Variants in ENTPD1 observed in about 807,000 individuals in gnomAD.
The protein encoded by ENTPD1 is ATP diphosphohydrolase.
ENTPD1 carries 33 observed loss-of-function variants against 57.0 expected under a neutral mutation model. That is an observed-to-expected ratio of 0.58 (90% CI 0.44 to 0.77). The LOEUF is 0.77. ENTPD1 is among the 30% of genes least tolerant of loss of function. ENTPD1 has a pLI of 0.00. For synonymous variants in ENTPD1, 202 were observed against 218.8 expected (o/e 0.92, Z 0.68); for missense variants, 501 against 603.4 (o/e 0.83, Z 1.78).
intron 1 of ENTPD1, among the ~76,000 whole-genome samples, chr10:95,780,537 C>T (rs1370064490): frequency 6.6e-6 from 1 of 152,206 alleles, no homozygotes; most frequent in Non-Finnish European, 1.5e-5. Context: ...GTCTATGTGT[C>T]TGCTTTTTGT....
rs1329310786 is a variant in ENTPD1 at position 95,867,661 on chromosome 10, AGAGACC to A, written c.*1279_*1284del. The A allele has an allele frequency of 2.0e-6, 2 of 985,354 alleles. No homozygotes were observed. Among genetic ancestry groups the A allele is most frequent in the Non-Finnish European group, 2.4e-6 (2 of 829,964 alleles). The allele number at this position is 985,354 out of a possible 1,614,324, so 61.0% of individuals were successfully genotyped here. A position where few individuals can be genotyped will look rare whatever the true frequency, so the allele number is the denominator to read the frequency against. On this transcript the variant is annotated 3_prime_UTR_variant, in exon 10 of 10. Transcript: ENST00000371205. The stretch of plus-strand genomic sequence containing the variant: ...TATAGACCTTACCATGGAAACATGA[AGAGACC>A]CTGCACCCCTTTCCTTAAGGATTGC...
At chr10:95,810,779 G>T (rs923689370) in intron 1 of ENTPD1, among the ~76,000 whole-genome samples, 1 of 152,118 alleles carries the variant, frequency 6.6e-6, no homozygotes, top group African/African-American at 2.4e-5. Context: ...TACTAGTTTT[G>T]CTCTCAGAGG....
In ENTPD1 at chr10:95,867,218, T is replaced by C. The variant is rs1333217757; in HGVS notation, c.*835T>C. ...TGCATATTTTTATTATGGTAAAATA[T>C]ACATAAATATAATTCACCATTTTAA... On this transcript the variant is annotated 3_prime_UTR_variant, in exon 10 of 10. Transcript: ENST00000371205. The C allele has an allele frequency of 1.5e-5, 15 of 980,154 alleles. No individual in the cohort carries two copies. Among genetic ancestry groups the C allele is most frequent in the African/African-American group, 1.8e-5 (1 of 57,142 alleles). The allele number at this position is 980,154 out of a possible 1,614,324, so 60.7% of individuals were successfully genotyped here.
chr10:95,865,011 G>T, intron 9 of ENTPD1, 150 bp downstream of exon 9: 1 of 980,616 alleles, frequency 1.0e-6, no homozygotes, highest in Non-Finnish European at 1.5e-6. Context: ...CTGGCATTCT[G>T]TGTCAAGCCC....
At chr10:95,839,418 C>T in intron 2 of ENTPD1, 1 of 455,102 alleles carries the variant, frequency 2.2e-6, no homozygotes. Flanking sequence ...ATTAGAATCA[C>T]CTAAGAAGCT....
upstream of ENTPD1, among the ~76,000 whole-genome samples, chr10:95,707,671 C>G (rs944242713): frequency 6.6e-6 from 1 of 152,180 alleles, no homozygotes; most frequent in Non-Finnish European, 1.5e-5. Context: ...GTGGTGCAAT[C>G]TTGGCTCACT....
intron 2 of ENTPD1, among the ~76,000 whole-genome samples, chr10:95,828,698 A>G (rs2098386394): frequency 6.7e-6 from 1 of 148,380 alleles, no homozygotes; most frequent in Non-Finnish European, 1.5e-5. Flanking sequence ...GAAGAATAGA[A>G]GGTTATCCCC....
At chr10:95,837,850 G>A (rs1315838894) in intron 2 of ENTPD1, among the ~76,000 whole-genome samples, 1 of 151,948 alleles carries the variant, frequency 6.6e-6, no homozygotes, top group African/African-American at 2.4e-5. Flanking sequence ...CTTCACTGGG[G>A]CCCCTACATT....
chr10:95,751,709 C>T (rs1253259240), upstream of ENTPD1, among the ~76,000 whole-genome samples: 2 of 115,344 alleles, frequency 1.7e-5, no homozygotes, highest in Admixed American at 1.0e-4. Flanking sequence ...AGTGAGACAT[C>T]GTCTCAAAAA....
chr10:95,835,956 G>A (rs1172958826), intron 2 of ENTPD1, among the ~76,000 whole-genome samples: 1 of 152,106 alleles, frequency 6.6e-6, no homozygotes, highest in Admixed American at 6.6e-5. Flanking sequence ...TATAGTTTGA[G>A]GGTCTTACAG....
At chr10:95,756,341 T>C (rs1351108424) in intron 1 of ENTPD1, 86 bp downstream of exon 1, 1 of 1,430,884 alleles carries the variant, frequency 7.0e-7, no homozygotes, top group Non-Finnish European at 9.5e-7. Flanking sequence ...AGCAAGTACT[T>C]GAAAGCTGGA....
At chr10:95,842,540 G>A (rs770019696) in intron 4 of ENTPD1, 46 bp downstream of exon 4, 9 of 1,594,964 alleles carry the variant, frequency 5.6e-6, no homozygotes, top group Non-Finnish European at 6.8e-6. Context: ...GTTAGGCTTG[G>A]CAGTGAAAGA....
At chr10:95,827,651 A>G (rs2098382531) in intron 2 of ENTPD1, among the ~76,000 whole-genome samples, 1 of 151,964 alleles carries the variant, frequency 6.6e-6, no homozygotes, top group Non-Finnish European at 1.5e-5. Context: ...ATGCCCAGCT[A>G]ATTTTTGTAT....
At chr10:95,805,385 G>A (rs957980977) in intron 1 of ENTPD1, among the ~76,000 whole-genome samples, 5 of 151,882 alleles carry the variant, frequency 3.3e-5, no homozygotes, top group African/African-American at 7.3e-5. Context: ...ATGTGCATTC[G>A]TTTCACATGA....
chr10:95,786,369 T>A (rs897477186), intron 1 of ENTPD1, among the ~76,000 whole-genome samples: 1 of 152,088 alleles, frequency 6.6e-6, no homozygotes, highest in Non-Finnish European at 1.5e-5. Context: ...GGAGGGTACT[T>A]TGAGCACAGA....
At chr10:95,830,033 G>T (rs562764850) in intron 2 of ENTPD1, among the ~76,000 whole-genome samples, 4 of 152,144 alleles carry the variant, frequency 2.6e-5, no homozygotes, top group Admixed American at 6.5e-5. Flanking sequence ...CAGCAAGAAG[G>T]CCCTCCTGAG....
At chr10:95,846,622 G>A (rs1364363966) in intron 6 of ENTPD1, among the ~76,000 whole-genome samples, 1 of 152,118 alleles carries the variant, frequency 6.6e-6, no homozygotes, top group Non-Finnish European at 1.5e-5. Flanking sequence ...CATCCACTGA[G>A]CCTCAAAGCT....
chr10:95,799,015 C>T (rs1428079741), intron 1 of ENTPD1, among the ~76,000 whole-genome samples: 1 of 152,098 alleles, frequency 6.6e-6, no homozygotes, highest in Non-Finnish European at 1.5e-5. Flanking sequence ...TATAGGTAGC[C>T]CGGTTTTATA....
intron 2 of ENTPD1, among the ~76,000 whole-genome samples, chr10:95,835,667 A>G (rs1328844956): frequency 1.3e-5 from 2 of 152,190 alleles, no homozygotes; most frequent in African/African-American, 2.4e-5. Context: ...TGGTTTTAAC[A>G]TTCATCTCTC....
Sources: allele counts gnomAD v4.1 joint callset (sites outside exome capture counted in the v4.1 genomes callset), GRCh38; gene constraint gnomAD v4.1.1; transcripts MANE v1.5; gene names NCBI Gene and HGNC (gene_info 2026-07-23, HGNC 2026-07-21).